LRP1B: variants seen among roughly 807,000 people sequenced by gnomAD.
The protein encoded by LRP1B is LDL receptor related protein 1B, also known as low-density lipoprotein receptor-related protein 1B.
LRP1B carries 217 observed loss-of-function variants against 556.6 expected under a neutral mutation model. The ratio of observed to expected loss-of-function variants is 0.39; its 90% CI spans 0.35 to 0.44. The LOEUF (loss-of-function observed/expected upper bound fraction) is 0.44. LRP1B is among the 20% of genes least tolerant of loss of function. The probability of loss-of-function intolerance (pLI) is 1.00; values close to 1 mark genes in which losing one functional copy is unlikely to be tolerated. For missense variants in LRP1B, 5,053 were observed against 5,620.8 expected (o/e 0.90, Z 3.23); for synonymous variants, 2,047 against 1,865.8 (o/e 1.10, Z -2.50).
chr2:140,904,392 A>G (rs759276204), intron 22 of LRP1B, among the ~76,000 whole-genome samples: 13 of 152,094 alleles, frequency 8.5e-5, no homozygotes, highest in African/African-American at 3.1e-4. Context: ...TTAATTGTGT[A>G]TGTTTTGAGA....
intron 1 of LRP1B, among the ~76,000 whole-genome samples, chr2:142,004,366 T>A (rs1323975412): frequency 6.6e-6 from 1 of 152,058 alleles, no homozygotes; most frequent in African/African-American, 2.4e-5. Flanking sequence ...ACCATTGTTA[T>A]GACAAAGGTA....
intron 6 of LRP1B, among the ~76,000 whole-genome samples, chr2:141,227,596 C>A (rs1026058476): frequency 3.3e-5 from 5 of 152,100 alleles, no homozygotes; most frequent in African/African-American, 1.2e-4. Flanking sequence ...AATTTTTGGT[C>A]TATTTTCACA....
At chr2:141,081,409 G>A (rs1558847156) in intron 7 of LRP1B, among the ~76,000 whole-genome samples, 1 of 152,152 alleles carries the variant, frequency 6.6e-6, no homozygotes, top group Admixed American at 6.5e-5. Context: ...GAGATGCAGT[G>A]TTTAGCATGT....
chr2:140,613,370 A>ATATAATTATATACATATAAAT (rs1683142412), intron 41 of LRP1B, among the ~76,000 whole-genome samples: 5 of 84,740 alleles, frequency 5.9e-5, no homozygotes, highest in African/African-American at 1.7e-4. Context: ...TATAAATATA[A>ATATAATTATATACATATAAAT]ATATATATAA....
chr2:140,885,475 C>A (rs998353928), intron 24 of LRP1B, among the ~76,000 whole-genome samples: 1 of 151,710 alleles, frequency 6.6e-6, no homozygotes, highest in African/African-American at 2.4e-5. Flanking sequence ...CTCAGCCTCC[C>A]GAGCAGCTGG....
rs1692089513 is a variant in LRP1B, at chr2:140,841,046, A to G, written c.4986T>C (p.Asn1662=). Residue 1662 remains asparagine (N), a synonymous_variant, in exon 30 of 91, where the codon AAT becomes AAC. Transcript: ENST00000389484. ...CAAATTCTGAGCTAATCCAGTATAA[A>G]TTACGTGACACCCAATCCACTGCTA... ...RGLAVDWVSR[N]LYWISSEFDE... The G allele has an allele frequency of 1.2e-6, 2 of 1,613,088 alleles. No homozygotes were observed. The highest frequency in any genetic ancestry group is 4.5e-5 in the East Asian group (2 of 44,836).
intron 1 of LRP1B, among the ~76,000 whole-genome samples, chr2:141,812,413 A>G (rs1696387580): frequency 6.6e-6 from 1 of 152,098 alleles, no homozygotes; most frequent in South Asian, 2.1e-4. Flanking sequence ...ATCTATAGCT[A>G]CTTTGCGTTT....
At chr2:141,073,614 C>T (rs1377687609) in intron 7 of LRP1B, among the ~76,000 whole-genome samples, 1 of 151,880 alleles carries the variant, frequency 6.6e-6, no homozygotes, top group Non-Finnish European at 1.5e-5. Context: ...TTTGTTGATA[C>T]TTTTGCTGAG....
intron 3 of LRP1B, among the ~76,000 whole-genome samples, chr2:141,398,735 G>A (rs1041745838): frequency 1.1e-4 from 16 of 152,142 alleles, no homozygotes; most frequent in African/African-American, 1.9e-4. Flanking sequence ...GGCAGAAACC[G>A]GTTTGAGAGA....
chr2:141,314,935 C>A (rs1044442667), intron 3 of LRP1B, among the ~76,000 whole-genome samples: 1 of 143,178 alleles, frequency 7.0e-6, no homozygotes, highest in African/African-American at 2.6e-5. Flanking sequence ...TATAGGCCTA[C>A]AAGAAATCTT....
At chr2:141,964,699 T>A (rs1701504853) in intron 1 of LRP1B, among the ~76,000 whole-genome samples, 2 of 150,360 alleles carry the variant, frequency 1.3e-5, no homozygotes, top group South Asian at 4.2e-4. Flanking sequence ...GGACTTCATG[T>A]CCAAAACACC....
chr2:141,449,511 T>C (rs1442229663), intron 3 of LRP1B, among the ~76,000 whole-genome samples: 1 of 152,226 alleles, frequency 6.6e-6, no homozygotes, highest in Non-Finnish European at 1.5e-5. Flanking sequence ...TTAGTTTCTC[T>C]TTCTTCTCAA....
intron 2 of LRP1B, among the ~76,000 whole-genome samples, chr2:141,502,219 C>T (rs976257127): frequency 6.6e-6 from 1 of 152,114 alleles, no homozygotes; most frequent in Admixed American, 6.5e-5. Context: ...AATCAATATC[C>T]TTCTGAAGTA....
intron 6 of LRP1B, among the ~76,000 whole-genome samples, chr2:141,208,944 C>T (rs1021517327): frequency 1.0e-4 from 15 of 143,384 alleles, no homozygotes; most frequent in Non-Finnish European, 2.0e-4. Flanking sequence ...AATCTGAAGG[C>T]CTTCTCCCTG....
intron 2 of LRP1B, among the ~76,000 whole-genome samples, chr2:141,769,732 C>T (rs1328262292): frequency 6.6e-6 from 1 of 152,176 alleles, no homozygotes; most frequent in African/African-American, 2.4e-5. Context: ...GCATTTCCTA[C>T]TAATGACCTT....
Position 141,416,996 on chromosome 2 carries a change from CT to C in LRP1B, c.343+63399del, listed in dbSNP as rs547272821. 7.2e-5 allele frequency among the ~76,000 whole-genome samples: 11 copies of C among 152,242 alleles called. No homozygotes were observed. The South Asian group carries it at 1.7e-3, about 23-fold the overall frequency. Reference sequence around the variant, plus strand: ...ACCAGAATTCTATCTATCATTCTAACTTTTTTTACAAAGAATAACACTAAAT... The same window carrying C: ...ACCAGAATTCTATCTATCATTCTAACTTTTTTACAAAGAATAACACTAAAT... On this transcript the variant is annotated intron_variant, in intron 3 of 90. Transcript: ENST00000389484.
At chr2:142,032,129 G>A (rs2105198633) in intron 1 of LRP1B, among the ~76,000 whole-genome samples, 1 of 151,912 alleles carries the variant, frequency 6.6e-6, no homozygotes, top group Middle Eastern at 3.4e-3. Context: ...TGGTTACAGT[G>A]GCCCTAGCAA....
chr2:140,695,043 C>T (rs1453987285), intron 41 of LRP1B, among the ~76,000 whole-genome samples: 1 of 150,722 alleles, frequency 6.6e-6, no homozygotes, highest in African/African-American at 2.4e-5. Flanking sequence ...TCTTCAGATT[C>T]TCCTATCATT....
intron 2 of LRP1B, among the ~76,000 whole-genome samples, chr2:141,489,866 A>G (rs1156352814): frequency 1.3e-5 from 2 of 152,178 alleles, no homozygotes; most frequent in East Asian, 3.8e-4. Context: ...AAGAATACAA[A>G]TAAGAACCTC....
Sources: gnomAD v4.1 joint callset for allele counts (sites outside exome capture counted in the v4.1 genomes callset) on GRCh38, gnomAD v4.1.1 for gene constraint, MANE v1.5 for transcripts, NCBI Gene and HGNC (gene_info 2026-07-23, HGNC 2026-07-21) for gene names.